Variants in FBXL17 observed in about 807,000 individuals in gnomAD.
FBXL17 encodes the protein F-box/LRR-repeat protein 17.
In FBXL17, 22 loss-of-function variants were observed where a neutral mutation model predicts 66.2. That is an observed-to-expected ratio of 0.33 (90% CI 0.24 to 0.47). The LOEUF (loss-of-function observed/expected upper bound fraction) is 0.47, where lower values mean the gene tolerates loss of function less well. Ranked by LOEUF, FBXL17 falls within the 20% of genes least tolerant of loss-of-function variation. The pLI is 1.00. For synonymous variants in FBXL17, 474 were observed against 400.5 expected (o/e 1.18, Z -2.19); for missense variants, 878 against 948.2 (o/e 0.93, Z 0.97).
intron 4 of FBXL17, among the ~76,000 whole-genome samples, chr5:108,305,258 G>A (rs1300017047): frequency 6.6e-6 from 1 of 151,976 alleles, no homozygotes; most frequent in Non-Finnish European, 1.5e-5. Flanking sequence ...TGAATGATGA[G>A]AACACACAGA....
Position 108,380,984 on chromosome 5 carries a change from G to GCCTCCCCCCGCAGGC in FBXL17, c.693_707dup (p.Pro232_Gly236dup), listed in dbSNP as rs1474869730. 9.0e-5 allele frequency: 109 copies of GCCTCCCCCCGCAGGC among 1,211,668 alleles called. No individual in the cohort carries two copies. Among genetic ancestry groups the GCCTCCCCCCGCAGGC allele is most frequent in the Non-Finnish European group, 1.0e-4 (102 of 974,710 alleles). 75.1% of individuals were successfully genotyped at this position (1,211,668 alleles called of 1,614,324 possible). A position where few individuals can be genotyped will look rare whatever the true frequency, so the allele number is the denominator to read the frequency against. ...CGTCGGGGGGCCGGGGCGGCGAAGC[G>GCCTCCCCCCGCAGGC]CCTCCCCCCGCAGGCCCTCCCCCGC... On this transcript the variant is annotated inframe_insertion, in exon 1 of 9. Coordinates refer to ENST00000542267, the MANE Select transcript of FBXL17 (RefSeq NM_001163315.3).
chr5:108,290,836 G>T (rs1758080868), intron 4 of FBXL17, among the ~76,000 whole-genome samples: 1 of 152,020 alleles, frequency 6.6e-6, no homozygotes, highest in African/African-American at 2.4e-5. Flanking sequence ...GTAAATTGAT[G>T]GCATATTAAG....
chr5:108,087,771 C>A (rs1331486328), intron 6 of FBXL17, among the ~76,000 whole-genome samples: 1 of 152,146 alleles, frequency 6.6e-6, no homozygotes. Context: ...CATCTCTCCC[C>A]TTTTCAACCC....
intron 6 of FBXL17, among the ~76,000 whole-genome samples, chr5:108,027,880 G>A (rs1275069038): frequency 6.6e-6 from 1 of 152,072 alleles, no homozygotes; most frequent in Non-Finnish European, 1.5e-5. Flanking sequence ...TTTGAATAAG[G>A]AAATGCTAAG....
At chr5:107,878,674 C>G (rs1210798874) in intron 8 of FBXL17, 1 of 985,326 alleles carries the variant, frequency 1.0e-6, no homozygotes, top group Non-Finnish European at 1.2e-6. Context: ...GATACAAAAT[C>G]TGAAAACTGA....
At chr5:108,150,249 T>C (rs889639976) in intron 6 of FBXL17, among the ~76,000 whole-genome samples, 15 of 152,116 alleles carry the variant, frequency 9.9e-5, no homozygotes, top group Non-Finnish European at 1.9e-4. Flanking sequence ...TTTTCTCAGA[T>C]ACAGTCTATC....
intron 5 of FBXL17, among the ~76,000 whole-genome samples, chr5:108,193,722 G>T (rs1466379735): frequency 7.2e-5 from 11 of 151,968 alleles, no homozygotes; most frequent in African/African-American, 1.2e-4. Flanking sequence ...AGAGACAACA[G>T]CAATTGCTAG....
chr5:108,215,181 A>G (rs143890591), intron 5 of FBXL17, among the ~76,000 whole-genome samples: 164 of 152,316 alleles, frequency 1.1e-3, no homozygotes, highest in African/African-American at 3.5e-3. Context: ...ATTCATGTAC[A>G]AGTTTCTCTT....
chr5:107,982,812 C>T (rs1181217245), intron 7 of FBXL17, among the ~76,000 whole-genome samples: 1 of 152,116 alleles, frequency 6.6e-6, no homozygotes, highest in Non-Finnish European at 1.5e-5. Flanking sequence ...AAGGGTCTGG[C>T]AGCACTTCCA....
At chr5:108,373,600 G>A (rs1749211001) in intron 1 of FBXL17, among the ~76,000 whole-genome samples, 1 of 151,906 alleles carries the variant, frequency 6.6e-6, no homozygotes, top group Non-Finnish European at 1.5e-5. Flanking sequence ...ATGTAAATGG[G>A]CTAAACTTTC....
At chr5:108,222,456 C>T (rs1175509315) in intron 5 of FBXL17, among the ~76,000 whole-genome samples, 1 of 152,110 alleles carries the variant, frequency 6.6e-6, no homozygotes, top group Non-Finnish European at 1.5e-5. Flanking sequence ...CTTGGTTACA[C>T]TAAGATGTTC....
intron 6 of FBXL17, among the ~76,000 whole-genome samples, chr5:108,028,797 G>A (rs1754923493): frequency 6.6e-6 from 1 of 152,104 alleles, no homozygotes; most frequent in Non-Finnish European, 1.5e-5. Context: ...AACACAGGAG[G>A]TAAAGATAAT....
chr5:108,062,361 G>A (rs1053839762), intron 6 of FBXL17, among the ~76,000 whole-genome samples: 4 of 152,042 alleles, frequency 2.6e-5, no homozygotes, highest in Admixed American at 2.0e-4. Flanking sequence ...TCATGGATAC[G>A]AGGACTATCT....
intron 6 of FBXL17, among the ~76,000 whole-genome samples, chr5:108,151,957 C>G (rs548143062): frequency 1.8e-4 from 27 of 152,318 alleles, no homozygotes; most frequent in Non-Finnish European, 1.2e-4. Flanking sequence ...GAAATCACAG[C>G]AAGTAAGAAA....
intron 7 of FBXL17, among the ~76,000 whole-genome samples, chr5:107,911,000 A>T (rs764806667): frequency 6.6e-6 from 1 of 152,146 alleles, no homozygotes; most frequent in Non-Finnish European, 1.5e-5. Context: ...AACTACATTC[A>T]ATGTAATCCC....
intron 6 of FBXL17, among the ~76,000 whole-genome samples, chr5:108,146,229 C>T (rs1032051597): frequency 4.8e-5 from 7 of 146,528 alleles, no homozygotes; most frequent in African/African-American, 1.8e-4. Flanking sequence ...AAGACTTCGT[C>T]TCAAAAAAAA....
intron 7 of FBXL17, among the ~76,000 whole-genome samples, chr5:107,908,965 G>T (rs1296398027): frequency 6.6e-6 from 1 of 152,108 alleles, no homozygotes; most frequent in Admixed American, 6.6e-5. Context: ...ACCTTTGCTG[G>T]CTGCAGCACA....
chr5:107,911,173 T>C (rs997576654), intron 7 of FBXL17, among the ~76,000 whole-genome samples: 1 of 152,092 alleles, frequency 6.6e-6, no homozygotes, highest in African/African-American at 2.4e-5. Context: ...GTAGTAACAG[T>C]ATAGTGTTGA....
At chr5:108,199,494 A>C (rs2922408) in intron 5 of FBXL17, among the ~76,000 whole-genome samples, 117,633 of 152,136 alleles carry the variant, frequency 0.77, 46,116 homozygotes, top group East Asian at 0.93. Flanking sequence ...TAGCACTCCA[A>C]CCTATTCTTG....
Sources: gnomAD v4.1 joint callset for allele counts (sites outside exome capture counted in the v4.1 genomes callset) on GRCh38, gnomAD v4.1.1 for gene constraint, MANE v1.5 for transcripts, NCBI Gene and HGNC (gene_info 2026-07-23, HGNC 2026-07-21) for gene names.